MAST4: variants seen among roughly 807,000 people sequenced by gnomAD.
MAST4 encodes microtubule associated serine/threonine kinase family member 4.
A neutral mutation model predicts 162.7 loss-of-function variants in MAST4; 89 were observed. The observed-to-expected ratio is 0.55, with a 90% confidence interval of 0.46 to 0.65. MAST4 has a LOEUF of 0.65. MAST4 is among the 30% of genes least tolerant of loss of function. The pLI, the probability that MAST4 is intolerant of heterozygous loss-of-function variation, is 0.00. For synonymous variants in MAST4, 1,479 were observed against 1,361.1 expected, an observed-to-expected ratio of 1.09 and a Z score of -1.91; for missense variants, 3,153 against 3,374.0, an observed-to-expected ratio of 0.93 and a Z score of 1.62.
chr5:66,835,793 A>G (rs908934018), intron 3 of MAST4, among the ~76,000 whole-genome samples: 7 of 152,316 alleles, frequency 4.6e-5, no homozygotes, highest in Admixed American at 4.6e-4. Flanking sequence ...TTTGGAAGCA[A>G]TCAAAGCCAT....
intron 3 of MAST4, among the ~76,000 whole-genome samples, chr5:66,809,228 C>T (rs1756356478): frequency 6.6e-6 from 1 of 152,230 alleles, no homozygotes; most frequent in South Asian, 2.1e-4. Flanking sequence ...ATGAATTCAT[C>T]TGGGAGAAAA....
intron 5 of MAST4, among the ~76,000 whole-genome samples, chr5:67,085,607 T>G (rs1763152014): frequency 6.6e-6 from 1 of 152,226 alleles, no homozygotes; most frequent in African/African-American, 2.4e-5. Context: ...TAATTCTGTC[T>G]TTACTTGAAA....
intron 5 of MAST4, 146 bp from the exon 6 acceptor site, chr5:67,090,016 C>A (rs1763653320): frequency 7.6e-5 from 42 of 556,232 alleles, no homozygotes; most frequent in East Asian, 1.1e-4. Flanking sequence ...ACCCCACCAT[C>A]CCTGGTCCAG....
At chr5:66,755,092 A>AG (rs1295372965) in intron 1 of MAST4, among the ~76,000 whole-genome samples, 1 of 152,116 alleles carries the variant, frequency 6.6e-6, no homozygotes, top group Non-Finnish European at 1.5e-5. Context: ...TGGTTCTGAG[A>AG]GGATGGAAGC....
intron 4 of MAST4, among the ~76,000 whole-genome samples, chr5:67,042,417 A>T (rs1756863092): frequency 6.6e-6 from 1 of 152,226 alleles, no homozygotes; most frequent in Admixed American, 6.5e-5. Flanking sequence ...GGCCAATTTC[A>T]TCTTTGCAAA....
intron 4 of MAST4, among the ~76,000 whole-genome samples, chr5:67,031,169 G>A (rs984416656): frequency 6.6e-6 from 1 of 152,040 alleles, no homozygotes; most frequent in African/African-American, 2.4e-5. Flanking sequence ...GTTCCTGGTG[G>A]GTGGAGATTA....
chr5:66,868,951 C>A (rs1010915440), intron 3 of MAST4, among the ~76,000 whole-genome samples: 1 of 152,110 alleles, frequency 6.6e-6, no homozygotes, highest in East Asian at 1.9e-4. Flanking sequence ...AATAAAATAA[C>A]ATTTTCACCT....
chr5:67,088,046 CT>C (rs1372538123), intron 5 of MAST4, among the ~76,000 whole-genome samples: 4 of 152,156 alleles, frequency 2.6e-5, no homozygotes, highest in Non-Finnish European at 5.9e-5. Flanking sequence ...AAATTCACCT[CT>C]TTATCTATAT....
At chr5:66,869,622 C>A (rs1258709829) in intron 3 of MAST4, among the ~76,000 whole-genome samples, 1 of 152,154 alleles carries the variant, frequency 6.6e-6, no homozygotes, top group Non-Finnish European at 1.5e-5. Flanking sequence ...TTATGGGCAA[C>A]TCAAGTGGGT....
chr5:66,934,927 T>G (rs541260788), intron 4 of MAST4, among the ~76,000 whole-genome samples: 1 of 152,210 alleles, frequency 6.6e-6, no homozygotes, highest in Non-Finnish European at 1.5e-5. Flanking sequence ...CAAAGACATA[T>G]GCATTTGAAA....
chr5:67,085,628 T>C (rs1763154296), intron 5 of MAST4, among the ~76,000 whole-genome samples: 1 of 152,230 alleles, frequency 6.6e-6, no homozygotes. Flanking sequence ...CTTAAGCATA[T>C]GAGTCTACTT....
chr5:66,784,440 C>G (rs1371478463), intron 2 of MAST4, among the ~76,000 whole-genome samples: 1 of 152,216 alleles, frequency 6.6e-6, no homozygotes, highest in East Asian at 1.9e-4. Flanking sequence ...AGCCACAAGT[C>G]AAAAACTTAA....
intron 4 of MAST4, among the ~76,000 whole-genome samples, chr5:67,039,961 T>TTA (rs34027825): frequency 0.015 from 2,234 of 147,890 alleles, 35 homozygotes; most frequent in East Asian, 0.043. Flanking sequence ...TTTTGAGATT[T>TTA]TATATATATA....
At chr5:66,951,960 AC>A (rs1404778380) in intron 4 of MAST4, among the ~76,000 whole-genome samples, 6 of 151,706 alleles carry the variant, frequency 4.0e-5, no homozygotes, top group South Asian at 2.1e-4. Context: ...GATTTTCCTC[AC>A]CCTCATTAAC....
At chr5:66,759,585 C>T (rs1190856555) in intron 1 of MAST4, 124 bp from the exon 2 acceptor site, 2 of 1,191,418 alleles carry the variant, frequency 1.7e-6, no homozygotes, top group Non-Finnish European at 2.3e-6. Context: ...CAAAATTGAA[C>T]ACAGTGTTGG....
In MAST4 at chr5:67,149,565, G is replaced by A; in HGVS notation, c.3271G>A (p.Ala1091Thr). The change falls in exon 24 of 29, where the codon GCT (alanine) becomes ACT (threonine). Residue 1091 changes from alanine to threonine, a missense_variant. Physicochemically the swap from Ala to Thr is moderately conservative, Grantham distance 58. Coordinates refer to ENST00000403625, the MANE Select transcript of MAST4 (RefSeq NM_001164664.2). The part of the protein sequence containing the change: ...GKVTKSLSAS[A>T]LSLMIPGDMF... ...AGTCACAAAGTCCCTCTCTGCCAGT[G>A]CTCTTTCCCTCATGATCCCAGGAGG... is the stretch of plus-strand genomic sequence containing the variant. 1 of 1,613,684 alleles carries A rather than the reference G, an allele frequency of 6.2e-7. No homozygotes were observed. Among genetic ancestry groups the A allele is most frequent in the Non-Finnish European group, 8.5e-7 (1 of 1,179,728 alleles).
chr5:66,644,132 A>ATT (rs34614681), intron 1 of MAST4, among the ~76,000 whole-genome samples: 4 of 148,200 alleles, frequency 2.7e-5, no homozygotes, highest in African/African-American at 4.9e-5. Flanking sequence ...GTTTGACTTG[A>ATT]TTTTTTTTTT....
intron 1 of MAST4, among the ~76,000 whole-genome samples, chr5:66,710,466 T>C (rs748191984): frequency 6.6e-6 from 1 of 152,216 alleles, no homozygotes; most frequent in Non-Finnish European, 1.5e-5. Flanking sequence ...TCTTTTCATC[T>C]TTCTTCCTTA....
At chr5:66,682,471 A>G (rs1748392560) in intron 1 of MAST4, among the ~76,000 whole-genome samples, 1 of 152,196 alleles carries the variant, frequency 6.6e-6, no homozygotes, top group Admixed American at 6.5e-5. Context: ...GGTTCAGTTG[A>G]ATTAGGGCTC....
Sources: gnomAD v4.1 joint callset for allele counts (sites outside exome capture counted in the v4.1 genomes callset) on GRCh38, gnomAD v4.1.1 for gene constraint, MANE v1.5 for transcripts, NCBI Gene and HGNC (gene_info 2026-07-23, HGNC 2026-07-21) for gene names.